COL22A1: variants seen among roughly 807,000 people sequenced by gnomAD.
The protein encoded by COL22A1 is collagen alpha-1(XXII) chain.
A neutral mutation model predicts 248.9 loss-of-function variants in COL22A1; 221 were observed. The ratio of observed to expected loss-of-function variants is 0.89; its 90% confidence interval spans 0.80 to 0.99. The LOEUF (loss-of-function observed/expected upper bound fraction) is 0.99. COL22A1 is among the 50% of genes least tolerant of loss of function. The pLI, the probability that COL22A1 is intolerant of heterozygous loss-of-function variation, is 0.00. For missense variants in COL22A1, 2,240 were observed against 2,179.0 expected (o/e 1.03, Z -0.56); for synonymous variants, 891 against 793.4 (o/e 1.12, Z -2.07).
intron 5 of COL22A1, chr8:138,827,207 G>T: frequency 5.7e-6 from 1 of 174,308 alleles, no homozygotes; most frequent in Admixed American, 5.6e-5. Context: ...CCAGATGCCA[G>T]GATGCCATGG....
At chr8:138,901,114 C>T (rs1483788718) in intron 1 of COL22A1, among the ~76,000 whole-genome samples, 2 of 150,768 alleles carry the variant, frequency 1.3e-5, no homozygotes, top group African/African-American at 4.9e-5. Flanking sequence ...GCATTTACTT[C>T]ACAGCTAGCA....
intron 39 of COL22A1, among the ~76,000 whole-genome samples, chr8:138,681,126 A>C (rs1023006935): frequency 6.6e-6 from 1 of 152,168 alleles, no homozygotes; most frequent in African/African-American, 2.4e-5. Flanking sequence ...TCTAATAATA[A>C]GGATCTAAGC....
At chr8:138,633,749 C>T (rs1158241737) in intron 49 of COL22A1, among the ~76,000 whole-genome samples, 1 of 152,082 alleles carries the variant, frequency 6.6e-6, no homozygotes, top group Non-Finnish European at 1.5e-5. Context: ...CTACAAAATC[C>T]AATAATATTC....
chr8:138,665,707 A>C (rs1189146901), intron 41 of COL22A1, among the ~76,000 whole-genome samples: 1 of 152,238 alleles, frequency 6.6e-6, no homozygotes, highest in Non-Finnish European at 1.5e-5. Flanking sequence ...ACAAGGACAT[A>C]ACAAGTGGTA....
chr8:138,771,690 A>G (rs1834379403), intron 16 of COL22A1, among the ~76,000 whole-genome samples: 1 of 152,182 alleles, frequency 6.6e-6, no homozygotes, highest in Non-Finnish European at 1.5e-5. Context: ...AAAGTAATAA[A>G]TGTTTGTGAA....
intron 41 of COL22A1, among the ~76,000 whole-genome samples, chr8:138,667,154 C>T (rs757631394): frequency 6.6e-6 from 1 of 152,178 alleles, no homozygotes; most frequent in Non-Finnish European, 1.5e-5. Flanking sequence ...ATATCTGAAG[C>T]TCAAATATGT....
intron 6 of COL22A1, 94 bp downstream of exon 6, chr8:138,826,564 G>A (rs1051362114): frequency 9.7e-6 from 13 of 1,338,038 alleles, no homozygotes; most frequent in Non-Finnish European, 1.4e-5. Flanking sequence ...CCAGGGATAA[G>A]AGCCCTGGAG....
At chr8:138,646,076 C>G (rs1261838703) in intron 47 of COL22A1, among the ~76,000 whole-genome samples, 41 of 152,290 alleles carry the variant, frequency 2.7e-4, no homozygotes, top group Non-Finnish European at 1.5e-5. Flanking sequence ...AGCTTCCCTG[C>G]CTATTTTGGG....
chr8:138,628,806 C>T (rs569385058), intron 50 of COL22A1, among the ~76,000 whole-genome samples: 1 of 145,674 alleles, frequency 6.9e-6, no homozygotes, highest in Admixed American at 7.0e-5. Flanking sequence ...CACTCTGTTG[C>T]CCAGGCTGGA....
intron 24 of COL22A1, 65 bp downstream of exon 24, chr8:138,725,322 C>T (rs1830214434): frequency 6.6e-7 from 1 of 1,509,890 alleles, no homozygotes; most frequent in Non-Finnish European, 9.2e-7. Flanking sequence ...AAAGATGTCC[C>T]CAGGTCCCAC....
chr8:138,854,204 C>T (rs945029775), intron 3 of COL22A1, among the ~76,000 whole-genome samples: 3 of 152,120 alleles, frequency 2.0e-5, no homozygotes, highest in Admixed American at 6.5e-5. Flanking sequence ...GATCATTAGG[C>T]TGATGGCCTC....
At chr8:138,767,824 G>A (rs796578885) in intron 16 of COL22A1, among the ~76,000 whole-genome samples, 10 of 152,212 alleles carry the variant, frequency 6.6e-5, no homozygotes, top group Non-Finnish European at 1.5e-4. Context: ...GCAGAAAACC[G>A]CCGGCTGCCC....
intron 55 of COL22A1, 121 bp from the exon 56 acceptor site, chr8:138,614,041 G>A: frequency 1.3e-6 from 1 of 774,692 alleles, no homozygotes; most frequent in Non-Finnish European, 2.2e-6. Context: ...AAATTGTCCA[G>A]CATGTTTCAT....
intron 22 of COL22A1, among the ~76,000 whole-genome samples, chr8:138,744,256 CA>C (rs1831929822): frequency 6.6e-6 from 1 of 152,252 alleles, no homozygotes; most frequent in South Asian, 2.1e-4. Context: ...TTTCCTTCCT[CA>C]AATCTACTAG....
Position 138,646,673 on chromosome 8 carries a change from C to T in COL22A1, c.3457G>A (p.Gly1153Arg). 1 of 1,579,588 alleles carries T rather than the reference C, an allele frequency of 6.3e-7. No individual in the cohort carries two copies. Among genetic ancestry groups the T allele is most frequent in the Non-Finnish European group, 8.6e-7 (1 of 1,162,144 alleles). The change falls in exon 47 of 65, where the codon GGG becomes AGG. Residue 1153 changes from glycine to arginine, a missense_variant. Gly to Arg is a moderately radical substitution (Grantham distance 125, BLOSUM62 -2). Coordinates refer to ENST00000303045, the MANE Select transcript of COL22A1 (RefSeq NM_152888.3). The stretch of plus-strand genomic sequence containing the variant: ...GGGGGCCCTGGTAGGCCTGGAGGCC[C>T]AGCCTCTCCCTGTATCAGGGATACA... The part of the protein sequence containing the change: ...EGTEGKKGEA[G>R]PPGLPGPPGI...
rs150247769 is a variant in COL22A1 at position 138,857,328 on chromosome 8, A to G, written c.659-13170T>C. ...TGGGGAGAAGCTTCAGAAGATGGACATGAGGATGGGTCAGTGCCAAGCAGG... is the reference window on the plus strand; with the variant it reads ...TGGGGAGAAGCTTCAGAAGATGGACGTGAGGATGGGTCAGTGCCAAGCAGG... On this transcript the variant is annotated intron_variant, in intron 3 of 64. Coordinates refer to ENST00000303045, the MANE Select transcript of COL22A1 (RefSeq NM_152888.3). Among the ~76,000 whole-genome samples, 538 of 152,332 alleles carry G rather than the reference A, an allele frequency of 3.5e-3. 3 individuals are homozygous for G. Among genetic ancestry groups the G allele is most frequent in the Non-Finnish European group, 5.2e-3 (356 of 68,032 alleles).
In COL22A1 at chr8:138,813,021, TGGAAA is replaced by T; in HGVS notation, c.1246-7_1246-3del. 1 of 1,613,094 alleles carries T rather than the reference TGGAAA, an allele frequency of 6.2e-7. No homozygotes were observed. The highest frequency in any genetic ancestry group is 8.5e-7 in the Non-Finnish European group (1 of 1,179,096). On this transcript the variant is annotated splice_polypyrimidine_tract_variant and splice_region_variant and intron_variant, in intron 7 of 64. Coordinates refer to ENST00000303045, the MANE Select transcript of COL22A1 (RefSeq NM_152888.3). ...GATCACAATCCGCTGTAGGTCAAAC[TGGAAA>T]GGAAAGCAAGGAGAGAGGATAAGTT...
chr8:138,872,512 T>C (rs1240091746), intron 3 of COL22A1, among the ~76,000 whole-genome samples: 1 of 152,214 alleles, frequency 6.6e-6, no homozygotes, highest in Non-Finnish European at 1.5e-5. Context: ...TGTGGCCAGC[T>C]GGCATTCCAC....
chr8:138,694,403 C>T, intron 34 of COL22A1, 105 bp downstream of exon 34: 1 of 1,201,180 alleles, frequency 8.3e-7, no homozygotes. Flanking sequence ...AGCGTCTACT[C>T]CCAAAATGCC....
Sources: gnomAD v4.1 joint callset for allele counts (sites outside exome capture counted in the v4.1 genomes callset) on GRCh38, gnomAD v4.1.1 for gene constraint, MANE v1.5 for transcripts, NCBI Gene and HGNC (gene_info 2026-07-23, HGNC 2026-07-21) for gene names.